DMD: variants seen among roughly 807,000 people sequenced by gnomAD.
The protein encoded by DMD is mutant dystrophin.
Under a neutral mutation model 330.1 loss-of-function variants are expected in DMD, and 63 were observed. The ratio of observed to expected loss-of-function variants is 0.19; its 90% CI spans 0.16 to 0.24. DMD has a LOEUF of 0.24. Ranked by LOEUF, DMD falls within the 10% of genes least tolerant of loss-of-function variation. DMD has a pLI of 1.00. For synonymous variants in DMD, 1,223 were observed against 959.8 expected, an observed-to-expected ratio of 1.27 and a Z score of -5.07; for missense variants, 3,344 against 2,684.1, an observed-to-expected ratio of 1.25 and a Z score of -5.43.
At chrX:32,719,634 A>G (rs1357010963) in intron 7 of DMD, among the ~76,000 whole-genome samples, 4 of 112,037 alleles carry the variant, frequency 3.6e-5, no homozygotes, top group Admixed American at 1.9e-4. Context: ...TGGATATTGT[A>G]CAGATGCACA....
intron 55 of DMD, among the ~76,000 whole-genome samples, chrX:31,535,126 G>A (rs2074046130): frequency 1.7e-4 from 1 of 5,912 alleles, no homozygotes. Context: ...TCACAGAATT[G>A]GAAAAAACTA....
intron 51 of DMD, among the ~76,000 whole-genome samples, chrX:31,746,525 T>G (rs2087850994): frequency 8.9e-6 from 1 of 112,031 alleles, no homozygotes; most frequent in Admixed American, 9.5e-5. Context: ...TTATAAGAAT[T>G]CAAATACCTT....
intron 37 of DMD, among the ~76,000 whole-genome samples, chrX:32,349,604 G>A (rs1342438023): frequency 1.8e-5 from 2 of 111,319 alleles, no homozygotes; most frequent in Non-Finnish European, 3.8e-5. Context: ...GCAACTTCTG[G>A]TGAACAATAC....
chrX:31,816,498 T>C (rs2092628017), intron 50 of DMD, among the ~76,000 whole-genome samples: 1 of 109,833 alleles, frequency 9.1e-6, no homozygotes, highest in Admixed American at 9.8e-5. Context: ...ACTTCTTAAG[T>C]AGAAAAAACA....
intron 62 of DMD, among the ~76,000 whole-genome samples, chrX:31,294,911 G>A (rs2054044960): frequency 8.9e-6 from 1 of 112,389 alleles, no homozygotes; most frequent in Admixed American, 9.4e-5. Context: ...TTCTCTTAGT[G>A]TCATATTCAT....
chrX:33,243,346 T>A lies in DMD; in HGVS notation c.7+95913A>T, dbSNP rs778404097. 1.1e-4 allele frequency among the ~76,000 whole-genome samples: 12 copies of A among 111,918 alleles called. No individual in the cohort carries two copies. The East Asian group carries it at 1.4e-3, about 13-fold the overall frequency. ...TTATTTCTAACAGTTTTTGGTGGAA[T>A]TTTTTACACCAGTCAAAATGGCTAT... On this transcript the variant is annotated intron_variant, in intron 1 of 17. Transcript: ENST00000288447.
chrX:32,400,362 G>T (rs2098077746), intron 30 of DMD, among the ~76,000 whole-genome samples: 1 of 111,435 alleles, frequency 9.0e-6, no homozygotes, highest in South Asian at 3.7e-4. Context: ...CGTTTTGCAA[G>T]TATTTTATTG....
At chrX:31,783,703 T>C (rs756762732) in intron 50 of DMD, among the ~76,000 whole-genome samples, 2 of 110,923 alleles carry the variant, frequency 1.8e-5, no homozygotes, top group Non-Finnish European at 3.8e-5. Context: ...AGTCTAAATA[T>C]ATATATTTAG....
intron 50 of DMD, among the ~76,000 whole-genome samples, chrX:31,815,938 G>A (rs1312374720): frequency 2.7e-5 from 3 of 111,942 alleles, no homozygotes; most frequent in Admixed American, 1.9e-4. Context: ...GTGGCCTTAT[G>A]AAGAATCAAG....
chrX:31,762,672 G>A (rs2089695779), intron 51 of DMD, among the ~76,000 whole-genome samples: 1 of 111,963 alleles, frequency 8.9e-6, no homozygotes, highest in South Asian at 3.7e-4. Flanking sequence ...TGGAGGTGCT[G>A]CACTGACCCT....
chrX:31,660,287 C>T (rs1295552886), intron 53 of DMD, among the ~76,000 whole-genome samples: 2 of 112,113 alleles, frequency 1.8e-5, no homozygotes, highest in Admixed American at 9.5e-5. Context: ...AGTTTCTATT[C>T]TCCACTTTTC....
At chrX:33,325,496 C>T (rs943841375) in intron 1 of DMD, among the ~76,000 whole-genome samples, 2 of 112,313 alleles carry the variant, frequency 1.8e-5, no homozygotes, top group African/African-American at 6.4e-5. Context: ...TGAATTCCTA[C>T]GCTCTTTGCA....
At chrX:32,256,556 G>T (rs185157951) in intron 43 of DMD, among the ~76,000 whole-genome samples, 2 of 110,496 alleles carry the variant, frequency 1.8e-5, no homozygotes, top group African/African-American at 6.6e-5. Context: ...CTGTAATTAT[G>T]ATGTTGGTTA....
intron 1 of DMD, among the ~76,000 whole-genome samples, chrX:33,155,167 C>G (rs766182238): frequency 2.7e-4 from 30 of 111,734 alleles, no homozygotes; most frequent in African/African-American, 9.4e-4. Flanking sequence ...TTCCTCTCTT[C>G]TTCTCTGAAA....
intron 9 of DMD, among the ~76,000 whole-genome samples, chrX:32,672,898 G>T (rs568022442): frequency 9.0e-6 from 1 of 110,569 alleles, no homozygotes; most frequent in African/African-American, 3.3e-5. Context: ...TGGATTAAAG[G>T]CTTACCAGAA....
chrX:32,760,787 C>A (rs1376652891), intron 7 of DMD, among the ~76,000 whole-genome samples: 1 of 111,562 alleles, frequency 9.0e-6, no homozygotes, highest in Non-Finnish European at 1.9e-5. Context: ...TAATGCATAC[C>A]TTTTGATCTA....
At chrX:32,590,870 G>C (rs781137233) in intron 13 of DMD, among the ~76,000 whole-genome samples, 5 of 111,471 alleles carry the variant, frequency 4.5e-5, no homozygotes, top group Non-Finnish European at 7.5e-5. Flanking sequence ...TTGTAATCAT[G>C]TGAGCCAATT....
chrX:33,254,480 T>A (rs2052822965), intron 1 of DMD, among the ~76,000 whole-genome samples: 1 of 110,331 alleles, frequency 9.1e-6, no homozygotes, highest in African/African-American at 3.3e-5. Flanking sequence ...AGAAAAAAAA[T>A]TTTCACTTGC....
intron 48 of DMD, among the ~76,000 whole-genome samples, chrX:31,865,497 T>C (rs1050942090): frequency 4.5e-5 from 5 of 112,179 alleles, no homozygotes; most frequent in Non-Finnish European, 9.4e-5. Context: ...CAGGTGAACT[T>C]GAGCTAGTAC....
Sources: allele counts gnomAD v4.1 joint callset (sites outside exome capture counted in the v4.1 genomes callset), GRCh38; gene constraint gnomAD v4.1.1; transcripts MANE v1.5; gene names NCBI Gene and HGNC (gene_info 2026-07-23, HGNC 2026-07-21).